The following SYNJ2 variants were observed in gnomAD, a reference collection of about 807,000 sequenced individuals.
The protein encoded by SYNJ2 is synaptojanin 2, also known as polyphosphatidylinositol phosphatase SYNJ2.
In SYNJ2, 116 loss-of-function variants were observed where a neutral mutation model predicts 141.3. That is an observed-to-expected ratio of 0.82 (90% CI 0.71 to 0.96). The LOEUF is 0.96. Ranked by LOEUF, SYNJ2 falls within the 40% of genes least tolerant of loss-of-function variation. The probability of loss-of-function intolerance (pLI) is 0.00; values close to 1 mark genes in which losing one functional copy is unlikely to be tolerated. For synonymous variants in SYNJ2, 745 were observed against 777.7 expected (o/e 0.96, Z 0.70); for missense variants, 1,873 against 1,934.8 (o/e 0.97, Z 0.60).
At chr6:158,018,854 G>A (rs6455950) in intron 2 of SYNJ2, among the ~76,000 whole-genome samples, 59,062 of 152,122 alleles carry the variant, frequency 0.39, 11,740 homozygotes, top group Middle Eastern at 0.5. Flanking sequence ...TTTTTCTGTG[G>A]AAATGTGCGG....
intron 1 of SYNJ2, among the ~76,000 whole-genome samples, chr6:157,992,993 A>T (rs1777506808): frequency 6.6e-6 from 1 of 151,692 alleles, no homozygotes; most frequent in African/African-American, 2.4e-5. Flanking sequence ...TGATAGCTCT[A>T]CTTTTAGTTT....
At chr6:158,009,942 G>T (rs542039558) in intron 1 of SYNJ2, among the ~76,000 whole-genome samples, 1 of 152,320 alleles carries the variant, frequency 6.6e-6, no homozygotes, top group Non-Finnish European at 1.5e-5. Context: ...TCATTTTGTT[G>T]TTGTTGTTTA....
intron 4 of SYNJ2, among the ~76,000 whole-genome samples, chr6:158,034,456 T>C (rs7774394): frequency 0.38 from 58,422 of 152,042 alleles, 11,605 homozygotes; most frequent in Middle Eastern, 0.48. Context: ...GGGAGAGGAA[T>C]GCCTTATGCG....
intron 26 of SYNJ2, among the ~76,000 whole-genome samples, chr6:158,093,595 C>T (rs1783613350): frequency 6.6e-6 from 1 of 152,192 alleles, no homozygotes; most frequent in Non-Finnish European, 1.5e-5. Flanking sequence ...TGTGTCTTGG[C>T]TCTGGCTGAG....
rs527837632 is a variant in SYNJ2, at chr6:158,084,894, G to A, written c.3208+720G>A. Reference sequence around the variant, plus strand: ...CTATGTCCTGAGTTGCTGGCGTATGGTCACACTCATATAATATCATATTAT... The same window carrying A: ...CTATGTCCTGAGTTGCTGGCGTATGATCACACTCATATAATATCATATTAT... On this transcript the variant is annotated intron_variant, in intron 22 of 26. Transcript: ENST00000355585. This position sits in a 1 kb window ranked among gnomAD's most constrained non-coding sequence, Gnocchi z 5.0. Among the ~76,000 whole-genome samples, 42 of 151,750 alleles carry A rather than the reference G, an allele frequency of 2.8e-4. No homozygotes were observed. Among genetic ancestry groups the A allele is most frequent in the African/African-American group, 8.5e-4 (35 of 41,326 alleles).
At chr6:158,001,931 C>G (rs1020067557) in intron 1 of SYNJ2, among the ~76,000 whole-genome samples, 4 of 152,156 alleles carry the variant, frequency 2.6e-5, no homozygotes, top group South Asian at 2.1e-4. Flanking sequence ...TCCACCTCAT[C>G]TCTTGGTTTT....
rs183513799 is a variant in SYNJ2, at chr6:158,093,156, C to T, written c.3744+52C>T. ...TTACTCCTAAGTTGCTCACATGTCT[C>T]GATAGATAAGAATTGTGGCCTGTAA... On this transcript the variant is annotated intron_variant, in intron 26 of 26. Coordinates refer to ENST00000355585, the MANE Select transcript of SYNJ2 (RefSeq NM_003898.4). 638 of 1,555,050 alleles carry T rather than the reference C, an allele frequency of 4.1e-4. 5 individuals carry two copies. In the East Asian group the frequency reaches 0.014, roughly 34 times the overall value.
Position 158,074,561 on chromosome 6 carries a change from G to T in SYNJ2, c.2134-19G>T. 6.2e-7 allele frequency: 1 copy of T among 1,606,776 alleles called. No homozygotes were observed. The highest frequency in any genetic ancestry group is 2.2e-5 in the East Asian group (1 of 44,744). On this transcript the variant is annotated intron_variant, in intron 15 of 26. Transcript: ENST00000355585. The stretch of plus-strand genomic sequence containing the variant: ...CTTGCAAGATGGGCTGAATGATTAT[G>T]ATTTTCTTTTCAACTTAGGGGAGAA...
intron 5 of SYNJ2, among the ~76,000 whole-genome samples, chr6:158,045,052 T>C (rs1384771601): frequency 6.6e-6 from 1 of 151,960 alleles, no homozygotes; most frequent in Non-Finnish European, 1.5e-5. Context: ...GAAGGACCCT[T>C]TGGAATTCAT....
chr6:158,086,381 G>A (rs2128394706), intron 22 of SYNJ2, among the ~76,000 whole-genome samples: 1 of 152,264 alleles, frequency 6.6e-6, no homozygotes, highest in East Asian at 1.9e-4. Flanking sequence ...TTTGGGATTT[G>A]ATGAGTAAGC....
Position 158,025,246 on chromosome 6 carries a change from C to T in SYNJ2, c.215-3510C>T, listed in dbSNP as rs80326867. On this transcript the variant is annotated intron_variant, in intron 2 of 26. Coordinates refer to ENST00000355585, the MANE Select transcript of SYNJ2 (RefSeq NM_003898.4). The stretch of plus-strand genomic sequence containing the variant: ...ACAAACCCCATTCATGAGGGCTCCA[C>T]TGCCATAACCCAGTCACCTCCCAAA... Among the ~76,000 whole-genome samples the T allele has an allele frequency of 8.7e-3, 1,319 of 152,302 alleles. 18 individuals are homozygous for T. Among genetic ancestry groups the T allele is most frequent in the African/African-American group, 0.03 (1,249 of 41,562 alleles).
rs762358770 is a variant in SYNJ2 at position 158,064,980 on chromosome 6, C to T, written c.1514C>T (p.Thr505Met). Residue 505 changes from threonine to methionine, a missense_variant, in exon 11 of 27, where the codon ACG becomes ATG. Transcript: ENST00000355585. Reference sequence around the variant, plus strand: ...AAAGGGGGCATGCTGCTGGACAGCACGGCGCTCCTGGGTAGGGCCTGCCGC... The same window carrying T: ...AAAGGGGGCATGCTGCTGGACAGCATGGCGCTCCTGGGTAGGGCCTGCCGC... ...ADKGGMLLDS[T>M]ALLVTPRILK... 12 of 1,581,738 alleles carry T rather than the reference C, an allele frequency of 7.6e-6. No individual in the cohort carries two copies. The highest frequency in any genetic ancestry group is 4.6e-5 in the East Asian group (2 of 43,568).
At chr6:158,075,656 T>C (rs1322639301) in intron 16 of SYNJ2, among the ~76,000 whole-genome samples, 1 of 149,434 alleles carries the variant, frequency 6.7e-6, no homozygotes, top group Non-Finnish European at 1.5e-5. Flanking sequence ...AAAAAAAGTG[T>C]GAGGACAGGG....
At chr6:158,081,883 G>A (rs1782714126) in intron 20 of SYNJ2, among the ~76,000 whole-genome samples, 1 of 151,892 alleles carries the variant, frequency 6.6e-6, no homozygotes, top group South Asian at 2.1e-4. Flanking sequence ...CAGCCTCCTG[G>A]GCTCCAGTCA....
chr6:158,077,828 C>T (rs756714713), intron 17 of SYNJ2: 8 of 180,798 alleles, frequency 4.4e-5, no homozygotes, highest in Non-Finnish European at 7.0e-5. Flanking sequence ...GTTCTCAGCT[C>T]CTGCAGCTCT....
chr6:158,067,275 T>C (rs1354202360), intron 12 of SYNJ2, among the ~76,000 whole-genome samples: 1 of 152,244 alleles, frequency 6.6e-6, no homozygotes, highest in Non-Finnish European at 1.5e-5. Flanking sequence ...TGCCACAGCC[T>C]CCCAAAGTGC....
chr6:158,076,725 C>T lies in SYNJ2; in HGVS notation c.2392C>T (p.Pro798Ser). The change falls in exon 17 of 27, where the codon CCC (proline) becomes TCC (serine). Residue 798 changes from proline to serine, a missense_variant. Physicochemically the swap from Pro to Ser is moderately conservative, Grantham distance 74. Coordinates refer to ENST00000355585, the MANE Select transcript of SYNJ2 (RefSeq NM_003898.4). ...AYDTSDKCRT[P>S]AWTDRVLWWR... ...CGATACAAGCGACAAATGCCGCACC[C>T]CCGCCTGGACAGACAGGGTGCTGTG... 6.2e-7 allele frequency: 1 copy of T among 1,614,194 alleles called. No homozygotes were observed. Among genetic ancestry groups the T allele is most frequent in the Non-Finnish European group, 8.5e-7 (1 of 1,180,030 alleles).
intron 14 of SYNJ2, 27 bp downstream of exon 14, chr6:158,069,700 TG>T: frequency 6.3e-7 from 1 of 1,582,102 alleles, no homozygotes; most frequent in Non-Finnish European, 8.6e-7. Context: ...TACACACATC[TG>T]GGGAACAAGG....
intron 5 of SYNJ2, among the ~76,000 whole-genome samples, chr6:158,044,219 A>G (rs554775026): frequency 6.6e-6 from 1 of 152,310 alleles, no homozygotes; most frequent in East Asian, 1.9e-4. Context: ...ACTGGGGCCC[A>G]GAGTGCCATC....
Sources: gnomAD v4.1 joint callset for allele counts (sites outside exome capture counted in the v4.1 genomes callset) on GRCh38, gnomAD v4.1.1 for gene constraint, Gnocchi (gnomAD v3.1) non-coding constraint, MANE v1.5 for transcripts, NCBI Gene and HGNC (gene_info 2026-07-23, HGNC 2026-07-21) for gene names.